Variants in KCNJ6 observed in about 807,000 individuals in gnomAD.
KCNJ6 encodes potassium inwardly rectifying channel subfamily J member 6.
KCNJ6 carries 9 observed loss-of-function variants against 34.2 expected under a neutral mutation model. The observed-to-expected ratio is 0.26, with a 90% CI of 0.16 to 0.46. The LOEUF (loss-of-function observed/expected upper bound fraction) is 0.46, where lower values mean the gene tolerates loss of function less well. Ranked by LOEUF, KCNJ6 falls within the 20% of genes least tolerant of loss-of-function variation. KCNJ6 has a pLI of 1.00. For synonymous variants in KCNJ6, 196 were observed against 207.1 expected, an observed-to-expected ratio of 0.95 and a Z score of 0.46; for missense variants, 236 against 531.3, an observed-to-expected ratio of 0.44 and a Z score of 5.46.
intron 2 of KCNJ6, among the ~76,000 whole-genome samples, chr21:37,740,525 G>T (rs116188482): frequency 6.6e-6 from 1 of 152,086 alleles, no homozygotes; most frequent in Non-Finnish European, 1.5e-5. Flanking sequence ...GAGTTGTCCC[G>T]CCTTTCTGGA....
At chr21:37,880,657 C>T (rs1417603603) in intron 1 of KCNJ6, among the ~76,000 whole-genome samples, 1 of 152,098 alleles carries the variant, frequency 6.6e-6, no homozygotes. Flanking sequence ...TGTTACCGCC[C>T]TTCAAAGGTT....
At chr21:37,821,283 T>C (rs1488392687) in intron 2 of KCNJ6, among the ~76,000 whole-genome samples, 1 of 152,236 alleles carries the variant, frequency 6.6e-6, no homozygotes, top group African/African-American at 2.4e-5. Flanking sequence ...CAATGCTGTA[T>C]AACCACTACC....
chr21:37,737,342 A>G (rs2054918346), intron 2 of KCNJ6, among the ~76,000 whole-genome samples: 1 of 152,206 alleles, frequency 6.6e-6, no homozygotes, highest in Admixed American at 6.5e-5. Flanking sequence ...TTCATCAGAC[A>G]GTGGAAATAT....
At chr21:37,799,200 G>T (rs1295566610) in intron 2 of KCNJ6, among the ~76,000 whole-genome samples, 1 of 152,148 alleles carries the variant, frequency 6.6e-6, no homozygotes, top group African/African-American at 2.4e-5. Context: ...GCATTAGTTT[G>T]CTAAGGATAA....
chr21:37,768,019 A>G (rs557914132), intron 2 of KCNJ6, among the ~76,000 whole-genome samples: 1 of 152,100 alleles, frequency 6.6e-6, no homozygotes, highest in East Asian at 1.9e-4. Flanking sequence ...TTTCATGCAA[A>G]TTATATTTCC....
At chr21:37,690,859 A>C (rs374587739) in intron 3 of KCNJ6, among the ~76,000 whole-genome samples, 3 of 150,232 alleles carry the variant, frequency 2.0e-5, no homozygotes, top group African/African-American at 7.4e-5. Context: ...GGCTCACTGC[A>C]ACCTCTGCTT....
At chr21:37,801,590 C>A (rs144782502) in intron 2 of KCNJ6, among the ~76,000 whole-genome samples, 1 of 152,196 alleles carries the variant, frequency 6.6e-6, no homozygotes, top group South Asian at 2.1e-4. Flanking sequence ...TAACGCTGAG[C>A]GAATATGTCT....
chr21:37,899,933 G>A (rs940838500), intron 1 of KCNJ6, among the ~76,000 whole-genome samples: 45 of 152,152 alleles, frequency 3.0e-4, no homozygotes, highest in Non-Finnish European at 5.9e-4. Flanking sequence ...CGCCCAGTTC[G>A]TGTGGCTGGG....
At chr21:37,855,688 G>A (rs1236162812) in intron 1 of KCNJ6, among the ~76,000 whole-genome samples, 2 of 152,196 alleles carry the variant, frequency 1.3e-5, no homozygotes, top group Non-Finnish European at 2.9e-5. Flanking sequence ...ACCAGTCATT[G>A]CAGAATCATG....
intron 2 of KCNJ6, among the ~76,000 whole-genome samples, chr21:37,747,051 T>G (rs772118918): frequency 1.1e-4 from 17 of 152,204 alleles, no homozygotes; most frequent in African/African-American, 4.1e-4. Flanking sequence ...TGAGCCCTGC[T>G]GGAAGCTTCC....
rs2054282559 is a variant in KCNJ6, at chr21:37,619,173, G to A, written c.*5986C>T. The A allele has an allele frequency of 6.6e-6, 1 of 152,112 alleles. No individual in the cohort carries two copies. Among genetic ancestry groups the A allele is most frequent in the South Asian group, 2.1e-4 (1 of 4,832 alleles). The allele number at this position is 152,112 out of a possible 1,614,324, so 9.4% of individuals were successfully genotyped here. On this transcript the variant is annotated 3_prime_UTR_variant, in exon 4 of 4. Coordinates refer to ENST00000609713, the MANE Select transcript of KCNJ6 (RefSeq NM_002240.5). ...CTGATTTCCAGGAAAGCACTCATAA[G>A]AGAACTTGATATGTTTTTCCATAGA...
chr21:37,713,279 A>G (rs1601432705), intron 3 of KCNJ6, among the ~76,000 whole-genome samples: 1 of 152,034 alleles, frequency 6.6e-6, no homozygotes, highest in Non-Finnish European at 1.5e-5. Context: ...TTAAAAGCGT[A>G]AAAGGGCTGA....
intron 3 of KCNJ6, among the ~76,000 whole-genome samples, chr21:37,639,993 T>G (rs2054374011): frequency 6.6e-6 from 1 of 152,218 alleles, no homozygotes; most frequent in Non-Finnish European, 1.5e-5. Context: ...GTGAGCCAAT[T>G]AAACCTCTTT....
At chr21:37,778,615 C>T (rs1225399240) in intron 2 of KCNJ6, among the ~76,000 whole-genome samples, 1 of 152,076 alleles carries the variant, frequency 6.6e-6, no homozygotes, top group Admixed American at 6.6e-5. Flanking sequence ...ATGTGGCATC[C>T]ATCTCAGTCT....
chr21:37,758,357 T>C (rs756355308), intron 2 of KCNJ6, among the ~76,000 whole-genome samples: 11 of 152,212 alleles, frequency 7.2e-5, no homozygotes, highest in Non-Finnish European at 1.6e-4. Context: ...TGGGAGAAGT[T>C]ACCCTGCGCC....
intron 3 of KCNJ6, among the ~76,000 whole-genome samples, chr21:37,694,338 G>A (rs75467977): frequency 6.6e-4 from 100 of 152,320 alleles, no homozygotes; most frequent in African/African-American, 2.3e-3. Context: ...TTCTTTTAGC[G>A]AGGACAAGCT....
chr21:37,823,490 T>G (rs1385648981), intron 2 of KCNJ6, among the ~76,000 whole-genome samples: 1 of 152,172 alleles, frequency 6.6e-6, no homozygotes, highest in Non-Finnish European at 1.5e-5. Context: ...AGGGACCTGG[T>G]GGGAGGTGAT....
At chr21:37,741,055 C>T (rs760744948) in intron 2 of KCNJ6, among the ~76,000 whole-genome samples, 15 of 152,312 alleles carry the variant, frequency 9.8e-5, no homozygotes, top group Non-Finnish European at 2.1e-4. Flanking sequence ...GTGGATGAAG[C>T]GCTCCCTATA....
intron 3 of KCNJ6, among the ~76,000 whole-genome samples, chr21:37,673,570 AACTC>A (rs750689041): frequency 5.3e-5 from 8 of 152,186 alleles, no homozygotes; most frequent in Admixed American, 1.3e-4. Flanking sequence ...TGTTGTGTCC[AACTC>A]ACTCATCACA....
Sources: allele counts gnomAD v4.1 joint callset (sites outside exome capture counted in the v4.1 genomes callset), GRCh38; gene constraint gnomAD v4.1.1; transcripts MANE v1.5; gene names NCBI Gene and HGNC (gene_info 2026-07-23, HGNC 2026-07-21).